The following XYLT1 variants were observed in gnomAD, a reference collection of about 807,000 sequenced individuals.
The protein encoded by XYLT1 is beta-D-xylosyltransferase 1.
A neutral mutation model predicts 91.3 loss-of-function variants in XYLT1; 36 were observed. The observed-to-expected ratio is 0.39, with a 90% CI of 0.30 to 0.52. XYLT1 has a LOEUF of 0.52. Among genes scored for constraint, XYLT1 ranks in the 20% least tolerant of loss-of-function variants. XYLT1 has a pLI of 0.68. For missense variants in XYLT1, 1,242 were observed against 1,284.5 expected (o/e 0.97, Z 0.51); for synonymous variants, 588 against 532.0 (o/e 1.11, Z -1.45).
intron 2 of XYLT1, chr16:17,355,041 G>A (rs1371169172): frequency 1.3e-5 from 2 of 152,534 alleles, no homozygotes; most frequent in South Asian, 2.1e-4. Context: ...ATGGAGCATC[G>A]TTTGCAGACA....
At chr16:17,263,065 G>C (rs2033747114) in intron 2 of XYLT1, among the ~76,000 whole-genome samples, 2 of 152,122 alleles carry the variant, frequency 1.3e-5, no homozygotes, top group African/African-American at 4.8e-5. Context: ...AGCCAGAAGA[G>C]CTACTGCCCT....
At chr16:17,284,786 A>T (rs1010377000) in intron 2 of XYLT1, among the ~76,000 whole-genome samples, 2 of 152,192 alleles carry the variant, frequency 1.3e-5, no homozygotes, top group Non-Finnish European at 2.9e-5. Context: ...TGTCTCTAAA[A>T]ATTAAAAATT....
chr16:17,161,459 G>A (rs1482861367), intron 5 of XYLT1, among the ~76,000 whole-genome samples: 3 of 152,110 alleles, frequency 2.0e-5, no homozygotes, highest in African/African-American at 7.2e-5. Context: ...AGGGTCTCGG[G>A]CCCCTCGCTC....
intron 6 of XYLT1, 107 bp downstream of exon 6, chr16:17,158,722 C>A (rs894515989): frequency 4.0e-5 from 49 of 1,224,336 alleles, no homozygotes; most frequent in Non-Finnish European, 5.8e-5. Flanking sequence ...GCCTTTCTCC[C>A]ACCCTCAACC....
intron 3 of XYLT1, among the ~76,000 whole-genome samples, chr16:17,206,271 A>G (rs1231075851): frequency 6.6e-6 from 1 of 151,970 alleles, no homozygotes; most frequent in Admixed American, 6.6e-5. Context: ...CTGCACGCTC[A>G]AGGTTCTTTG....
intron 2 of XYLT1, among the ~76,000 whole-genome samples, chr16:17,305,750 T>C (rs1241499917): frequency 6.6e-6 from 1 of 152,122 alleles, no homozygotes; most frequent in Non-Finnish European, 1.5e-5. Context: ...CGACTAAGCA[T>C]TTGTAACTAT....
At position 17,470,937 on chromosome 16, in the gene XYLT1, C is replaced by T. The variant is rs1477218862; in HGVS notation, c.-141G>A. ...CCGCCGCCGCCCCCCTCCCCACACC[C>T]CTGTCCCCGCTGGAGGGGAGGGTGA... On this transcript the variant is annotated 5_prime_UTR_variant, in exon 1 of 12. Transcript: ENST00000261381. 6.8e-6 allele frequency: 1 copy of T among 148,090 alleles called. No individual in the cohort carries two copies. The highest frequency in any genetic ancestry group is 1.5e-5 in the Non-Finnish European group (1 of 66,238). 9.2% of individuals were successfully genotyped at this position (148,090 alleles called of 1,614,324 possible). A position where few individuals can be genotyped will look rare whatever the true frequency, so the allele number is the denominator to read the frequency against.
chr16:17,404,827 T>G (rs1200164068), intron 1 of XYLT1, among the ~76,000 whole-genome samples: 1 of 152,188 alleles, frequency 6.6e-6, no homozygotes, highest in African/African-American at 2.4e-5. Flanking sequence ...ACAAAAGGCA[T>G]GCAAACATAG....
At chr16:17,324,598 G>A (rs1477225619) in intron 2 of XYLT1, among the ~76,000 whole-genome samples, 1 of 152,206 alleles carries the variant, frequency 6.6e-6, no homozygotes, top group Admixed American at 6.5e-5. Flanking sequence ...GTTTCTGAGC[G>A]CGTCTTCGTG....
intron 1 of XYLT1, among the ~76,000 whole-genome samples, chr16:17,387,514 C>T (rs538391232): frequency 1.7e-4 from 26 of 152,290 alleles, no homozygotes; most frequent in African/African-American, 6.3e-4. Flanking sequence ...ACCTGAGGCA[C>T]AGGCTATTAT....
At position 17,330,737 on chromosome 16, in the gene XYLT1, T is replaced by C. The variant is rs865971460; in HGVS notation, c.402+27275A>G. Reference sequence around the variant, plus strand: ...TGAACCCGGGAGGCGGAGGTAGTAATGAGCCAAGATCGCGCCATTGCACTC... The same window carrying C: ...TGAACCCGGGAGGCGGAGGTAGTAACGAGCCAAGATCGCGCCATTGCACTC... On this transcript the variant is annotated intron_variant, in intron 2 of 11. Coordinates refer to ENST00000261381, the MANE Select transcript of XYLT1 (RefSeq NM_022166.4). Among the ~76,000 whole-genome samples, 8 of 150,150 alleles carry C rather than the reference T, an allele frequency of 5.3e-5. No homozygotes were observed. The Middle Eastern group carries it at 0.014, about 255-fold the overall frequency.
At chr16:17,452,297 GT>G (rs1227109210) in intron 1 of XYLT1, among the ~76,000 whole-genome samples, 2 of 138,868 alleles carry the variant, frequency 1.4e-5, no homozygotes, top group Admixed American at 7.2e-5. Context: ...TTGATTCTCA[GT>G]TTTTTTCTTT....
chr16:17,322,826 CCTATAGA>C (rs981758236), intron 2 of XYLT1, among the ~76,000 whole-genome samples: 60 of 152,322 alleles, frequency 3.9e-4, no homozygotes, highest in Admixed American at 1.0e-3. Flanking sequence ...TCAGTCTCCT[CCTATAGA>C]CTATAGACTC....
At chr16:17,130,778 C>T (rs1477747280) in intron 9 of XYLT1, among the ~76,000 whole-genome samples, 2 of 152,200 alleles carry the variant, frequency 1.3e-5, no homozygotes, top group Admixed American at 6.5e-5. Flanking sequence ...CCCATAGTAG[C>T]CACGTCCATC....
At chr16:17,203,211 A>T (rs2032575318) in intron 3 of XYLT1, among the ~76,000 whole-genome samples, 1 of 152,132 alleles carries the variant, frequency 6.6e-6, no homozygotes, top group African/African-American at 2.4e-5. Context: ...GTTGCTAACC[A>T]AATACTTTGT....
At chr16:17,441,811 C>G (rs1039212852) in intron 1 of XYLT1, among the ~76,000 whole-genome samples, 2 of 152,174 alleles carry the variant, frequency 1.3e-5, no homozygotes, top group African/African-American at 4.8e-5. Flanking sequence ...AGATCCAGCT[C>G]TCTACAATAA....
chr16:17,403,781 A>G (rs2035996209), intron 1 of XYLT1, among the ~76,000 whole-genome samples: 1 of 152,202 alleles, frequency 6.6e-6, no homozygotes, highest in Non-Finnish European at 1.5e-5. Flanking sequence ...AGGAGAGGCA[A>G]AAGGCCCTTT....
Position 17,242,845 on chromosome 16 carries a change from T to A in XYLT1, c.913+16143A>T, listed in dbSNP as rs11643212. On this transcript the variant is annotated intron_variant, in intron 3 of 11. Transcript: ENST00000261381. Reference sequence around the variant, plus strand: ...GAATTTAATTACTCTAGATACCTTGTGTAAGGGGGAATCACACAGTATCTG... The same window carrying A: ...GAATTTAATTACTCTAGATACCTTGAGTAAGGGGGAATCACACAGTATCTG... Among the ~76,000 whole-genome samples the A allele has an allele frequency of 3.2e-3, 493 of 152,330 alleles. 1 individual carries two copies. Among genetic ancestry groups the A allele is most frequent in the Non-Finnish European group, 5.2e-3 (356 of 68,022 alleles).
At chr16:17,360,507 A>C (rs1244236473) in intron 1 of XYLT1, among the ~76,000 whole-genome samples, 2 of 152,224 alleles carry the variant, frequency 1.3e-5, no homozygotes, top group African/African-American at 4.8e-5. Context: ...CTATCTATTT[A>C]GCATCTTCAT....
Sources: gnomAD v4.1 joint callset for allele counts (sites outside exome capture counted in the v4.1 genomes callset) on GRCh38, gnomAD v4.1.1 for gene constraint, MANE v1.5 for transcripts, NCBI Gene and HGNC (gene_info 2026-07-23, HGNC 2026-07-21) for gene names.